Variants in SPATA13 observed in about 807,000 individuals in gnomAD.
SPATA13 encodes the protein spermatogenesis-associated protein 13.
SPATA13 carries 50 observed loss-of-function variants against 104.0 expected under a neutral mutation model. The ratio of observed to expected loss-of-function variants is 0.48; its 90% confidence interval spans 0.38 to 0.61. The LOEUF (loss-of-function observed/expected upper bound fraction) is 0.61. Among genes scored for constraint, SPATA13 ranks in the 20% least tolerant of loss-of-function variants. The pLI is 0.00. For missense variants in SPATA13, 1,524 were observed against 1,690.6 expected (o/e 0.90, Z 1.73); for synonymous variants, 606 against 667.5 (o/e 0.91, Z 1.42).
chr13:24,258,147 A>G (rs1233876726), intron 4 of SPATA13, among the ~76,000 whole-genome samples: 1 of 151,972 alleles, frequency 6.6e-6, no homozygotes, highest in African/African-American at 2.4e-5. Context: ...AGGCAGGAGA[A>G]TTGCTTGAAC....
intron 1 of SPATA13, among the ~76,000 whole-genome samples, chr13:24,194,258 C>T (rs1566144050): frequency 6.6e-6 from 1 of 152,134 alleles, no homozygotes; most frequent in African/African-American, 2.4e-5. Context: ...CAGCTAAAAT[C>T]GTCCTGAATG....
chr13:24,096,906 C>G (rs1880103738), intron 3 of SPATA13, among the ~76,000 whole-genome samples: 1 of 152,178 alleles, frequency 6.6e-6, no homozygotes, highest in Admixed American at 6.5e-5. Context: ...TAAGGAGATG[C>G]TGCTGAGGAT....
chr13:24,198,990 C>G (rs1363335157), intron 1 of SPATA13, among the ~76,000 whole-genome samples: 1 of 147,562 alleles, frequency 6.8e-6, no homozygotes, highest in Admixed American at 6.8e-5. Flanking sequence ...ACTCTGTCAC[C>G]CAGTCTGGAG....
rs1157007644 is a variant in SPATA13 at position 24,223,034 on chromosome 13, C to A, written c.105C>A (p.Asp35Glu). Residue 35 changes from aspartate (D) to glutamate (E), a missense_variant, in exon 2 of 13, where the codon GAC becomes GAA. Coordinates refer to ENST00000382108, the MANE Select transcript of SPATA13 (RefSeq NM_001166271.3). ...CCGCAGCCCCCTGTGCAGGCTCGGACCTGAAAGACGCCAAGATGGTGACCT... is the reference window on the plus strand; with the variant it reads ...CCGCAGCCCCCTGTGCAGGCTCGGAACTGAAAGACGCCAAGATGGTGACCT... The part of the protein sequence containing the change: ...PGPAAPCAGS[D>E]LKDAKMVTSL... The A allele has an allele frequency of 6.4e-7, 1 of 1,551,694 alleles. No homozygotes were observed. The highest frequency in any genetic ancestry group is 2.0e-5 in the Admixed American group (1 of 51,008).
Position 24,224,508 on chromosome 13 carries a change from G to A in SPATA13, c.1579G>A (p.Gly527Ser), listed in dbSNP as rs1431484235. 6.5e-7 allele frequency: 1 copy of A among 1,549,088 alleles called. No individual in the cohort carries two copies. Among genetic ancestry groups the A allele is most frequent in the Non-Finnish European group, 8.7e-7 (1 of 1,146,974 alleles). ...GCAGGATCCCCTGGAAGCCACACAT[G>A]GTGATGAGGGCAGCAAGGACCTTCT... ...SLQDPLEATH[G>S]DEGSKDLLVN... Residue 527 changes from glycine (G) to serine (S), a missense_variant, in exon 2 of 13, where the codon GGT (glycine) becomes AGT (serine). Gly to Ser is a moderately conservative substitution (Grantham distance 56, BLOSUM62 0). This residue lies in a region of SPATA13 where 1,089 missense variants were observed against 1,135.9 expected (regional missense o/e 0.96). Transcript: ENST00000382108.
intron 2 of SPATA13, among the ~76,000 whole-genome samples, chr13:23,992,445 G>A (rs566719736): frequency 1.8e-4 from 27 of 152,320 alleles, no homozygotes; most frequent in African/African-American, 6.5e-4. Context: ...GACCATTGCA[G>A]GTGTGTCTGA....
At chr13:24,254,883 C>T (rs1873705836) in intron 4 of SPATA13, among the ~76,000 whole-genome samples, 1 of 151,976 alleles carries the variant, frequency 6.6e-6, no homozygotes, top group African/African-American at 2.4e-5. Flanking sequence ...GGAAGACTGG[C>T]ATCTAGCTGC....
chr13:24,087,459 A>G (rs1033856402), intron 3 of SPATA13, among the ~76,000 whole-genome samples: 2 of 152,214 alleles, frequency 1.3e-5, no homozygotes, highest in Non-Finnish European at 2.9e-5. Context: ...ACCCTTAGCT[A>G]TGGACAGCAT....
chr13:24,218,271 G>C (rs1871366973), intron 1 of SPATA13, among the ~76,000 whole-genome samples: 1 of 152,206 alleles, frequency 6.6e-6, no homozygotes, highest in South Asian at 2.1e-4. Flanking sequence ...CAGCCACCAT[G>C]CCGACAAAGG....
intron 2 of SPATA13, among the ~76,000 whole-genome samples, chr13:24,005,759 C>T (rs1876192339): frequency 6.6e-6 from 1 of 152,182 alleles, no homozygotes; most frequent in Non-Finnish European, 1.5e-5. Context: ...TTTAGATTTG[C>T]CACAACCCTG....
chr13:24,178,729 C>G (rs1310158107), intron 1 of SPATA13, among the ~76,000 whole-genome samples: 1 of 152,154 alleles, frequency 6.6e-6, no homozygotes, highest in Non-Finnish European at 1.5e-5. Flanking sequence ...AAAATTGACA[C>G]CACAGCACAG....
chr13:24,277,920 C>A (rs972457992), intron 4 of SPATA13, among the ~76,000 whole-genome samples: 7 of 152,156 alleles, frequency 4.6e-5, no homozygotes, highest in Admixed American at 6.5e-5. Flanking sequence ...AATCCCACTC[C>A]ATAAAACACA....
intron 1 of SPATA13, among the ~76,000 whole-genome samples, chr13:24,187,597 T>C (rs900243848): frequency 1.3e-5 from 2 of 152,236 alleles, no homozygotes; most frequent in East Asian, 3.8e-4. Flanking sequence ...GTCTGTTACT[T>C]TTTGATAATT....
chr13:24,155,862 G>GGA (rs1471241349), upstream of SPATA13, among the ~76,000 whole-genome samples: 3 of 152,084 alleles, frequency 2.0e-5, no homozygotes, highest in Non-Finnish European at 4.4e-5. Context: ...TGCAGCCTCT[G>GGA]GCAATCACCA....
chr13:24,211,782 T>C (rs1441636619), intron 1 of SPATA13, among the ~76,000 whole-genome samples: 1 of 152,114 alleles, frequency 6.6e-6, no homozygotes, highest in African/African-American at 2.4e-5. Context: ...CCCATGACCT[T>C]TAGAGTAAAC....
At chr13:24,019,587 T>A (rs946401683) in intron 3 of SPATA13, among the ~76,000 whole-genome samples, 1 of 152,216 alleles carries the variant, frequency 6.6e-6, no homozygotes, top group Non-Finnish European at 1.5e-5. Context: ...AAACTTTTCT[T>A]GAGCAGAATA....
intron 3 of SPATA13, among the ~76,000 whole-genome samples, chr13:24,131,853 G>A (rs889405780): frequency 6.6e-6 from 1 of 152,146 alleles, no homozygotes; most frequent in African/African-American, 2.4e-5. Context: ...ATAAAACAAG[G>A]GAAGGCAGAT....
At chr13:24,183,898 C>T (rs978124379) in intron 1 of SPATA13, among the ~76,000 whole-genome samples, 1 of 152,140 alleles carries the variant, frequency 6.6e-6, no homozygotes, top group Non-Finnish European at 1.5e-5. Context: ...GGCGCTTCCT[C>T]AGACACAGCG....
chr13:24,007,535 C>T (rs568168013), intron 2 of SPATA13, among the ~76,000 whole-genome samples: 4 of 152,320 alleles, frequency 2.6e-5, no homozygotes, highest in South Asian at 4.1e-4. Context: ...TGGCCCACTG[C>T]GACCTCTGCT....
Sources: gnomAD v4.1 joint callset for allele counts (sites outside exome capture counted in the v4.1 genomes callset) on GRCh38, gnomAD v4.1.1 for gene constraint, gnomAD v4.1.1 regional missense constraint, MANE v1.5 for transcripts, NCBI Gene and HGNC (gene_info 2026-07-23, HGNC 2026-07-21) for gene names.